The following UNC79 variants were observed in gnomAD, a reference collection of about 807,000 sequenced individuals.
UNC79 encodes the protein protein unc-79 homolog.
A neutral mutation model predicts 283.1 loss-of-function variants in UNC79; 37 were observed. That is an observed-to-expected ratio of 0.13 (90% CI 0.10 to 0.17). The LOEUF is 0.17. UNC79 is among the 10% of genes least tolerant of loss of function. The pLI, the probability that UNC79 is intolerant of heterozygous loss-of-function variation, is 1.00. For synonymous variants in UNC79, 1,107 were observed against 1,200.2 expected (o/e 0.92, Z 1.61); for missense variants, 2,272 against 3,211.1 (o/e 0.71, Z 7.07).
chr14:93,622,517 G>T, exon 30 of UNC79: 1 of 1,614,082 alleles, frequency 6.2e-7, no homozygotes, highest in African/African-American at 1.3e-5. Flanking sequence ...GATGTCGCTG[G>T]ATGATCACCC....
At chr14:93,565,746 A>C (rs1358804243) in intron 14 of UNC79, among the ~76,000 whole-genome samples, 1 of 152,168 alleles carries the variant, frequency 6.6e-6, no homozygotes, top group African/African-American at 2.4e-5. Context: ...CTTCCCCACA[A>C]GGTGTGGCAA....
chr14:93,641,079 C>A, intron 32 of UNC79, 66 bp from the exon 36 acceptor site: 1 of 1,383,682 alleles, frequency 7.2e-7, no homozygotes, highest in Non-Finnish European at 1.0e-6. Context: ...AAGAGGAGAA[C>A]CAGGCCTTTC....
rs2054500313 is a variant in UNC79, at chr14:93,373,689, CA to C, written c.-351+40167del. Among the ~76,000 whole-genome samples the C allele has an allele frequency of 2.0e-5, 3 of 152,166 alleles. No homozygotes were observed. The South Asian group carries it at 6.2e-4, about 32-fold the overall frequency. On this transcript the variant is annotated intron_variant, in intron 1 of 49. Transcript: ENST00000256339. ...TCTACCAAACATTTTAGGAAGAAATCATACCAATTCTTGACAATGTTTTCCA... is the reference window on the plus strand; with the variant it reads ...TCTACCAAACATTTTAGGAAGAAATCTACCAATTCTTGACAATGTTTTCCA...
At chr14:93,511,221 T>C (rs1173044513) in intron 7 of UNC79, among the ~76,000 whole-genome samples, 1 of 152,074 alleles carries the variant, frequency 6.6e-6, no homozygotes, top group African/African-American at 2.4e-5. Context: ...ACTGGGCTGC[T>C]CCTCCAACAC....
chr14:93,398,837 C>T (rs185509855), intron 1 of UNC79, among the ~76,000 whole-genome samples: 3 of 152,218 alleles, frequency 2.0e-5, no homozygotes, highest in Admixed American at 2.0e-4. Context: ...GGTTAAAGGA[C>T]TGTGGCATGT....
At chr14:93,415,031 G>T (rs1425723621) in intron 1 of UNC79, among the ~76,000 whole-genome samples, 1 of 152,096 alleles carries the variant, frequency 6.6e-6, no homozygotes, top group African/African-American at 2.4e-5. Context: ...CTGCCTGATT[G>T]CCCTGGCCAG....
chr14:93,688,385 A>C lies in UNC79; in HGVS notation c.6910-280A>C, dbSNP rs577775658. Among the ~76,000 whole-genome samples the C allele has an allele frequency of 9.2e-5, 14 of 152,248 alleles. No homozygotes were observed. The highest frequency in any genetic ancestry group is 3.1e-4 in the African/African-American group (13 of 41,548). ...GAGGCAGGAATGGCATTCCAGACAA[A>C]GGGAATAGCAGCAGGGGGGAACACA... is the stretch of plus-strand genomic sequence containing the variant. On this transcript the variant is annotated intron_variant, in intron 43 of 48. Coordinates refer to ENST00000555664, the Ensembl canonical transcript of UNC79. The surrounding 1 kb of genome is among the most constrained non-coding windows in gnomAD (Gnocchi z 4.0).
chr14:93,336,345 A>AT (rs978706538), intron 1 of UNC79, among the ~76,000 whole-genome samples: 38 of 149,024 alleles, frequency 2.5e-4, no homozygotes, highest in Non-Finnish European at 3.1e-4. Flanking sequence ...TCAATTTTCA[A>AT]TTTTTTTTTT....
At chr14:93,558,388 C>G (rs12883735) in intron 14 of UNC79, among the ~76,000 whole-genome samples, 11 of 152,198 alleles carry the variant, frequency 7.2e-5, no homozygotes, top group Admixed American at 3.3e-4. Context: ...AACCCCGTCT[C>G]TACTAAAAAT....
At chr14:93,646,029 A>G (rs1186350070) in intron 34 of UNC79, among the ~76,000 whole-genome samples, 1 of 152,154 alleles carries the variant, frequency 6.6e-6, no homozygotes, top group African/African-American at 2.4e-5. Flanking sequence ...CTCTTTCTAT[A>G]TGATAACATA....
intron 1 of UNC79, among the ~76,000 whole-genome samples, chr14:93,450,486 C>T (rs1433107741): frequency 6.6e-6 from 1 of 152,064 alleles, no homozygotes; most frequent in African/African-American, 2.4e-5. Context: ...TGTTCTTTCT[C>T]CCAGGAGAAA....
In UNC79 at chr14:93,649,404, ATATTT is replaced by A. The variant is rs1239414265; in HGVS notation, c.6083+2765_6083+2769del. Among the ~76,000 whole-genome samples the A allele has an allele frequency of 6.6e-5, 10 of 152,306 alleles. No homozygotes were observed. The East Asian group carries it at 1.9e-3, about 29-fold the overall frequency. ...ACCTATCACCTAGATTTTAAAACAA[ATATTT>A]TATTTTCTTTATCATGCATCCAACC... On this transcript the variant is annotated intron_variant, in intron 35 of 48. Coordinates refer to ENST00000555664, the Ensembl canonical transcript of UNC79.
chr14:93,580,087 C>T (rs1269272304), intron 18 of UNC79, 62 bp from the exon 19 acceptor site: 2 of 1,456,794 alleles, frequency 1.4e-6, no homozygotes, highest in African/African-American at 3.0e-5. Flanking sequence ...ATGGACCAAA[C>T]TCCTTCTTCT....
chr14:93,580,668 A>C (rs1351047083), intron 19 of UNC79, among the ~76,000 whole-genome samples: 1 of 152,156 alleles, frequency 6.6e-6, no homozygotes, highest in Non-Finnish European at 1.5e-5. Context: ...TTTTATCACA[A>C]AGTTATATTA....
intron 5 of UNC79, among the ~76,000 whole-genome samples, chr14:93,494,647 G>A (rs1298247961): frequency 6.6e-6 from 1 of 152,160 alleles, no homozygotes; most frequent in Non-Finnish European, 1.5e-5. Flanking sequence ...GTGTGTGAGT[G>A]TGAGATTGCT....
intron 1 of UNC79, among the ~76,000 whole-genome samples, chr14:93,450,811 A>G (rs2056612813): frequency 6.6e-6 from 1 of 152,176 alleles, no homozygotes; most frequent in African/African-American, 2.4e-5. Flanking sequence ...ATCCGCCATT[A>G]TCTAAAAAGT....
At chr14:93,694,080 A>G (rs1403580071) in intron 46 of UNC79, among the ~76,000 whole-genome samples, 3 of 152,182 alleles carry the variant, frequency 2.0e-5, no homozygotes, top group Non-Finnish European at 4.4e-5. Flanking sequence ...AGTGAGATCA[A>G]TGCCTGAATT....
At chr14:93,558,510 C>A (rs1444304377) in intron 14 of UNC79, among the ~76,000 whole-genome samples, 1 of 146,606 alleles carries the variant, frequency 6.8e-6, no homozygotes, top group Non-Finnish European at 1.5e-5. Context: ...GAGCCGAGAT[C>A]GCGCCACTGC....
rs1208016404 is a variant in UNC79, at chr14:93,531,503, T to C, written c.1094-1047T>C. Among the ~76,000 whole-genome samples the C allele has an allele frequency of 6.6e-6, 1 of 152,216 alleles. No individual in the cohort carries two copies. The highest frequency in any genetic ancestry group is 6.5e-5 in the Admixed American group (1 of 15,286). ...TCATGGAAATAATTGATGTGCCCAC[T>C]GAAAAGAATTCTTATGCATTCATTA... On this transcript the variant is annotated intron_variant, in intron 10 of 48. Transcript: ENST00000555664. The surrounding 1 kb of genome is among the most constrained non-coding windows in gnomAD (Gnocchi z 4.2).
Sources: gnomAD v4.1 joint callset for allele counts (sites outside exome capture counted in the v4.1 genomes callset) on GRCh38, gnomAD v4.1.1 for gene constraint, Gnocchi (gnomAD v3.1) non-coding constraint, MANE v1.5 for transcripts, NCBI Gene and HGNC (gene_info 2026-07-23, HGNC 2026-07-21) for gene names.